Variants in ITK observed in about 807,000 individuals in gnomAD.
ITK encodes the protein tyrosine-protein kinase ITK/TSK.
Under a neutral mutation model 87.6 loss-of-function variants are expected in ITK, and 45 were observed. That is an observed-to-expected ratio of 0.51 (90% CI 0.40 to 0.66). The LOEUF (loss-of-function observed/expected upper bound fraction) is 0.66. ITK is among the 30% of genes least tolerant of loss of function. ITK has a pLI of 0.00. For synonymous variants in ITK, 303 were observed against 273.6 expected, an observed-to-expected ratio of 1.11 and a Z score of -1.06; for missense variants, 605 against 766.3, an observed-to-expected ratio of 0.79 and a Z score of 2.48.
At chr5:157,181,223 A>T (rs967975462) in intron 1 of ITK, 108 bp downstream of exon 1, 5 of 1,154,302 alleles carry the variant, frequency 4.3e-6, no homozygotes, top group African/African-American at 1.5e-5. Context: ...AAACACAAAC[A>T]TGCTTATTGT....
At chr5:157,214,381 G>A in intron 4 of ITK, 62 bp downstream of exon 4, 1 of 1,421,908 alleles carries the variant, frequency 7.0e-7, no homozygotes, top group Non-Finnish European at 9.9e-7. Context: ...AAAAGCTTTT[G>A]GCCTTTAATC....
intron 1 of ITK, among the ~76,000 whole-genome samples, chr5:157,182,246 G>A (rs1178717807): frequency 6.6e-6 from 1 of 152,110 alleles, no homozygotes; most frequent in South Asian, 2.1e-4. Flanking sequence ...AAACAAAAGT[G>A]CTCCAGTTCT....
At chr5:157,218,639 C>G (rs1430496574) in intron 5 of ITK, among the ~76,000 whole-genome samples, 1 of 152,050 alleles carries the variant, frequency 6.6e-6, no homozygotes, top group Non-Finnish European at 1.5e-5. Flanking sequence ...ACTTACTATC[C>G]GTTCTATCCA....
chr5:157,235,207 C>A (rs1754753379), intron 8 of ITK, among the ~76,000 whole-genome samples: 1 of 152,130 alleles, frequency 6.6e-6, no homozygotes, highest in South Asian at 2.1e-4. Context: ...ACTGCAGGAG[C>A]TTTTTAAAAA....
chr5:157,200,699 G>A (rs980398605), intron 1 of ITK, among the ~76,000 whole-genome samples: 4 of 152,128 alleles, frequency 2.6e-5, no homozygotes, highest in Admixed American at 1.3e-4. Context: ...TGACGTTGAC[G>A]GTGGAACATG....
At chr5:157,244,697 C>A (rs1372667639) in intron 13 of ITK, among the ~76,000 whole-genome samples, 2 of 152,164 alleles carry the variant, frequency 1.3e-5, no homozygotes, top group African/African-American at 4.8e-5. Flanking sequence ...TCACCTCCTG[C>A]ATTTCAGTTT....
intron 1 of ITK, among the ~76,000 whole-genome samples, chr5:157,198,935 A>C (rs867571454): frequency 3.9e-5 from 6 of 152,104 alleles, no homozygotes; most frequent in Middle Eastern, 3.4e-3. Flanking sequence ...GCTAACTTTT[A>C]AAATTTTTTT....
intron 5 of ITK, among the ~76,000 whole-genome samples, chr5:157,222,389 C>T (rs553277804): frequency 1.3e-5 from 2 of 152,268 alleles, no homozygotes; most frequent in South Asian, 4.2e-4. Context: ...GTCCATTTCT[C>T]CATCTGGGCC....
Position 157,191,237 on chromosome 5 carries a change from A to C in ITK, c.138+10122A>C, listed in dbSNP as rs574001253. 2.6e-4 allele frequency among the ~76,000 whole-genome samples: 39 copies of C among 151,976 alleles called. No individual in the cohort carries two copies. In the South Asian group the frequency reaches 7.3e-3, roughly 28 times the overall value. ...TCACTGCAACCTCCGCAGTGGTCTT[A>C]TGTTTTAACTTTTTTGTGGCATCCT... On this transcript the variant is annotated intron_variant, in intron 1 of 16. Transcript: ENST00000422843.
intron 5 of ITK, 67 bp from the exon 6 acceptor site, chr5:157,222,796 C>A: frequency 6.6e-7 from 1 of 1,519,580 alleles, no homozygotes; most frequent in African/African-American, 1.4e-5. Flanking sequence ...CCAGACACCC[C>A]GATGAAAGGA....
intron 1 of ITK, among the ~76,000 whole-genome samples, chr5:157,185,978 A>G (rs1467584034): frequency 1.3e-5 from 2 of 152,212 alleles, no homozygotes; most frequent in Non-Finnish European, 2.9e-5. Context: ...CTGTGCAAAA[A>G]TGTGAATTAT....
intron 1 of ITK, among the ~76,000 whole-genome samples, chr5:157,205,136 A>G (rs1174670516): frequency 2.0e-5 from 3 of 152,224 alleles, no homozygotes; most frequent in Non-Finnish European, 4.4e-5. Flanking sequence ...GGCATCTGTT[A>G]TAAGCCAGTT....
rs1223249224 is a variant in ITK, at chr5:157,252,910, G to A, written c.*232G>A. 4 of 575,094 alleles carry A rather than the reference G, an allele frequency of 7.0e-6. No individual in the cohort carries two copies. The highest frequency in any genetic ancestry group is 1.3e-5 in the Non-Finnish European group (4 of 318,638). The allele number at this position is 575,094 out of a possible 1,614,324, so 35.6% of individuals were successfully genotyped here. ...GGAGCTGAGCCAGAACAGGAGTGAT[G>A]TCTCTGCCCTTCCTCTAGCCTCTTG... On this transcript the variant is annotated 3_prime_UTR_variant, in exon 17 of 17. Transcript: ENST00000422843.
intron 1 of ITK, among the ~76,000 whole-genome samples, chr5:157,190,359 C>A (rs891138096): frequency 4.6e-5 from 7 of 152,060 alleles, no homozygotes; most frequent in Non-Finnish European, 2.9e-5. Flanking sequence ...ATCAAGGAAA[C>A]GTTTCTGTGT....
intron 1 of ITK, among the ~76,000 whole-genome samples, chr5:157,196,145 T>A (rs1339767567): frequency 6.6e-6 from 1 of 152,204 alleles, no homozygotes; most frequent in Non-Finnish European, 1.5e-5. Flanking sequence ...AAAATGTCAA[T>A]AATGCTGAGG....
At position 157,248,833 on chromosome 5, in the gene ITK, C is replaced by A. The variant is rs192786276; in HGVS notation, c.1634-17C>A. On this transcript the variant is annotated splice_polypyrimidine_tract_variant and intron_variant, in intron 15 of 16. Coordinates refer to ENST00000422843, the MANE Select transcript of ITK (RefSeq NM_005546.4). ...GGGCTTTGTCATTCACTGTGCTGTG[C>A]TCACCATTTCTTGTAGGTGTGCTGA... 1 of 1,613,868 alleles carries A rather than the reference C, an allele frequency of 6.2e-7. No homozygotes were observed. Among genetic ancestry groups the A allele is most frequent in the Admixed American group, 1.7e-5 (1 of 60,000 alleles).
At chr5:157,204,566 G>A (rs1306996961) in intron 1 of ITK, among the ~76,000 whole-genome samples, 1 of 152,146 alleles carries the variant, frequency 6.6e-6, no homozygotes, top group African/African-American at 2.4e-5. Context: ...GGGCGTGGTG[G>A]CACATGCCTG....
chr5:157,251,494 A>G (rs1755138219), intron 16 of ITK, among the ~76,000 whole-genome samples: 1 of 152,220 alleles, frequency 6.6e-6, no homozygotes, highest in Admixed American at 6.5e-5. Context: ...AAGACTTTTC[A>G]AATATTTTAA....
intron 8 of ITK, among the ~76,000 whole-genome samples, chr5:157,233,334 G>T (rs1194952869): frequency 6.6e-6 from 1 of 152,188 alleles, no homozygotes; most frequent in African/African-American, 2.4e-5. Context: ...GCAGAAAAAA[G>T]AGCAAGGGAA....
Sources: gnomAD v4.1 joint callset for allele counts (sites outside exome capture counted in the v4.1 genomes callset) on GRCh38, gnomAD v4.1.1 for gene constraint, MANE v1.5 for transcripts, NCBI Gene and HGNC (gene_info 2026-07-23, HGNC 2026-07-21) for gene names.